Variants in TGFBR3 observed in about 807,000 individuals in gnomAD.
TGFBR3 encodes transforming growth factor beta receptor 3, also known as transforming growth factor beta receptor type 3.
A neutral mutation model predicts 87.9 loss-of-function variants in TGFBR3; 46 were observed. The observed-to-expected ratio is 0.52, with a 90% confidence interval of 0.41 to 0.67. The LOEUF (loss-of-function observed/expected upper bound fraction) is 0.67, where lower values mean the gene tolerates loss of function less well. Among genes scored for constraint, TGFBR3 ranks in the 30% least tolerant of loss-of-function variants. The pLI is 0.00. For missense variants in TGFBR3, 866 were observed against 1,041.9 expected (o/e 0.83, Z 2.32); for synonymous variants, 381 against 391.6 (o/e 0.97, Z 0.32).
chr1:91,856,318 G>C (rs1006913716), intron 2 of TGFBR3, among the ~76,000 whole-genome samples: 1 of 151,992 alleles, frequency 6.6e-6, no homozygotes, highest in South Asian at 2.1e-4. Flanking sequence ...TGCCCGCCTC[G>C]GCCTCCCAAA....
intron 2 of TGFBR3, among the ~76,000 whole-genome samples, chr1:91,816,781 A>C (rs1183493822): frequency 1.3e-5 from 2 of 152,238 alleles, no homozygotes; most frequent in Non-Finnish European, 2.9e-5. Flanking sequence ...TAAGAAATTT[A>C]GTTATATACA....
At chr1:91,821,961 A>T (rs1676466202) in intron 2 of TGFBR3, among the ~76,000 whole-genome samples, 1 of 152,184 alleles carries the variant, frequency 6.6e-6, no homozygotes, top group African/African-American at 2.4e-5. Flanking sequence ...TCATTTGATT[A>T]TTTTGAAAGT....
In TGFBR3 at chr1:91,683,582, C is replaced by T. The variant is rs1805115; in HGVS notation, c.*157G>A. ...AGCCCTGGGTGTGGGGTGAATACAA[C>T]GGGTGATCTTTATACTGAAATTCAC... is the stretch of plus-strand genomic sequence containing the variant. On this transcript the variant is annotated 3_prime_UTR_variant, in exon 17 of 17. Transcript: ENST00000212355. The T allele has an allele frequency of 0.14, 100,506 of 711,200 alleles. 7,967 individuals are homozygous for T. The highest frequency in any genetic ancestry group is 0.17 in the Non-Finnish European group (67,218 of 397,064). The allele number at this position is 711,200 out of a possible 1,614,324, so 44.1% of individuals were successfully genotyped here. A position where few individuals can be genotyped will look rare whatever the true frequency, so the allele number is the denominator to read the frequency against.
At chr1:91,805,237 G>A (rs1359517206) in intron 2 of TGFBR3, among the ~76,000 whole-genome samples, 1 of 152,168 alleles carries the variant, frequency 6.6e-6, no homozygotes, top group Non-Finnish European at 1.5e-5. Flanking sequence ...AGTTCATTCT[G>A]GGCATCTGGT....
At chr1:91,871,501 T>C (rs1678580031) in intron 1 of TGFBR3, among the ~76,000 whole-genome samples, 1 of 151,858 alleles carries the variant, frequency 6.6e-6, no homozygotes, top group African/African-American at 2.4e-5. Context: ...AGACAACAAA[T>C]AAATAATATG....
chr1:91,890,637 C>G (rs1679425147), upstream of TGFBR3, among the ~76,000 whole-genome samples: 1 of 151,846 alleles, frequency 6.6e-6, no homozygotes, highest in Non-Finnish European at 1.5e-5. Context: ...CCAGGCTGGT[C>G]TCAAACTCCT....
chr1:91,873,626 G>A (rs139488120), intron 1 of TGFBR3, among the ~76,000 whole-genome samples: 3 of 152,144 alleles, frequency 2.0e-5, no homozygotes, highest in African/African-American at 7.2e-5. Context: ...AATGCCCTGA[G>A]TGCACCTATA....
chr1:91,707,300 G>A (rs1671830063), intron 14 of TGFBR3, among the ~76,000 whole-genome samples: 1 of 152,170 alleles, frequency 6.6e-6, no homozygotes, highest in Non-Finnish European at 1.5e-5. Context: ...CCATTTTGAG[G>A]GAGCACATTC....
chr1:91,830,870 C>T (rs904635364), intron 2 of TGFBR3, among the ~76,000 whole-genome samples: 4 of 152,146 alleles, frequency 2.6e-5, no homozygotes, highest in African/African-American at 9.7e-5. Context: ...TGCTTCTGCA[C>T]CCTGTGTGCC....
intron 2 of TGFBR3, among the ~76,000 whole-genome samples, chr1:91,858,474 G>A (rs1006560837): frequency 6.6e-6 from 1 of 151,530 alleles, no homozygotes; most frequent in Non-Finnish European, 1.5e-5. Context: ...AATTAGCTGG[G>A]CGTGGCAGCG....
rs1334906687 is a variant in TGFBR3, at chr1:91,746,012, A to C, written c.385-11053T>G. Among the ~76,000 whole-genome samples the C allele has an allele frequency of 2.0e-5, 3 of 152,194 alleles. No homozygotes were observed. The East Asian group carries it at 5.8e-4, about 29-fold the overall frequency. ...ACATATTTGACTATTACTTTTTCTCAAAACATTCATGATGATCATCCTGTT... is the reference window on the plus strand; with the variant it reads ...ACATATTTGACTATTACTTTTTCTCCAAACATTCATGATGATCATCCTGTT... On this transcript the variant is annotated intron_variant, in intron 4 of 16. Coordinates refer to ENST00000212355, the MANE Select transcript of TGFBR3 (RefSeq NM_003243.5).
chr1:91,775,842 A>C (rs892098913), intron 3 of TGFBR3, among the ~76,000 whole-genome samples: 1 of 152,246 alleles, frequency 6.6e-6, no homozygotes, highest in Non-Finnish European at 1.5e-5. Context: ...ACATTGTTGT[A>C]CTGAAACATT....
chr1:91,730,855 G>A (rs2100813711), intron 5 of TGFBR3, among the ~76,000 whole-genome samples: 1 of 152,360 alleles, frequency 6.6e-6, no homozygotes, highest in South Asian at 2.1e-4. Context: ...GCACTTTACA[G>A]TTTACAAAGT....
intron 1 of TGFBR3, among the ~76,000 whole-genome samples, chr1:91,883,672 T>C (rs1000109208): frequency 1.3e-5 from 2 of 151,550 alleles, no homozygotes; most frequent in African/African-American, 4.9e-5. Context: ...TTTTTATATT[T>C]AAAAACATGA....
intron 7 of TGFBR3, among the ~76,000 whole-genome samples, chr1:91,725,820 G>T (rs2100798440): frequency 6.6e-6 from 1 of 152,244 alleles, no homozygotes; most frequent in South Asian, 2.1e-4. Flanking sequence ...ATTTCACTAT[G>T]CTGTCTCTAA....
intron 8 of TGFBR3, 133 bp from the exon 9 acceptor site, chr1:91,720,363 G>A (rs1672323800): frequency 1.1e-6 from 1 of 889,034 alleles, no homozygotes; most frequent in African/African-American, 1.6e-5. Flanking sequence ...AGTGCATAAA[G>A]GTCATTAGAA....
chr1:91,737,442 A>G (rs1361711460), intron 4 of TGFBR3, among the ~76,000 whole-genome samples: 1 of 152,160 alleles, frequency 6.6e-6, no homozygotes, highest in Non-Finnish European at 1.5e-5. Context: ...GAAACCTCAG[A>G]GAGTCTAATG....
chr1:91,830,469 T>G (rs1676815285), intron 2 of TGFBR3, among the ~76,000 whole-genome samples: 1 of 152,124 alleles, frequency 6.6e-6, no homozygotes, highest in South Asian at 2.1e-4. Flanking sequence ...CAAAGCCCAG[T>G]TGCCACAGTG....
At chr1:91,814,337 C>T (rs777851853) in intron 2 of TGFBR3, among the ~76,000 whole-genome samples, 5 of 151,998 alleles carry the variant, frequency 3.3e-5, no homozygotes, top group African/African-American at 4.8e-5. Context: ...TTTCTTTGCC[C>T]GAGAGATAGC....
Sources: gnomAD v4.1 joint callset for allele counts (sites outside exome capture counted in the v4.1 genomes callset) on GRCh38, gnomAD v4.1.1 for gene constraint, MANE v1.5 for transcripts, NCBI Gene and HGNC (gene_info 2026-07-23, HGNC 2026-07-21) for gene names.